VSIR: variants seen among roughly 807,000 people sequenced by gnomAD.
VSIR encodes V-type immunoglobulin domain-containing suppressor of T-cell activation.
In VSIR, 10 loss-of-function variants were observed where a neutral mutation model predicts 31.0. That is an observed-to-expected ratio of 0.32 (90% CI 0.20 to 0.55). The LOEUF is 0.55. Among genes scored for constraint, VSIR ranks in the 20% least tolerant of loss-of-function variants. The pLI, the probability that VSIR is intolerant of heterozygous loss-of-function variation, is 0.93. For synonymous variants in VSIR, 179 were observed against 180.1 expected (o/e 0.99, Z 0.05); for missense variants, 356 against 416.2 (o/e 0.86, Z 1.26).
At chr10:71,767,468 CA>C (rs1203054365) in intron 1 of VSIR, among the ~76,000 whole-genome samples, 1 of 152,220 alleles carries the variant, frequency 6.6e-6, no homozygotes, top group East Asian at 1.9e-4. Flanking sequence ...GCACTAGATG[CA>C]AAAGGTCCCG....
chr10:71,750,459 C>A lies in VSIR; in HGVS notation c.*794G>T, dbSNP rs902188837. 6.6e-6 allele frequency: 1 copy of A among 152,344 alleles called. No homozygotes were observed. Among genetic ancestry groups the A allele is most frequent in the African/African-American group, 2.4e-5 (1 of 41,470 alleles). The allele number at this position is 152,344 out of a possible 1,614,324, so 9.4% of individuals were successfully genotyped here. ...GGATGGGGAGGGCGGGGGGCAGGTG[C>A]CCCTCTCCACTCACCTTCCCAGAAG... On this transcript the variant is annotated 3_prime_UTR_variant, in exon 7 of 7. Coordinates refer to ENST00000394957, the MANE Select transcript of VSIR (RefSeq NM_022153.2).
intron 1 of VSIR, among the ~76,000 whole-genome samples, chr10:71,766,500 T>C (rs1840548130): frequency 6.6e-6 from 1 of 152,210 alleles, no homozygotes; most frequent in African/African-American, 2.4e-5. Flanking sequence ...TCCACTTAGT[T>C]GTGCCCTCAT....
intron 3 of VSIR, among the ~76,000 whole-genome samples, chr10:71,759,914 C>CATACACACACACAT (rs1840272147): frequency 1.4e-4 from 8 of 56,894 alleles, no homozygotes; most frequent in Admixed American, 2.0e-4. Flanking sequence ...TACACACACA[C>CATACACACACACAT]ATATATACAC....
chr10:71,769,043 C>T (rs538081013), intron 1 of VSIR, among the ~76,000 whole-genome samples: 10 of 152,300 alleles, frequency 6.6e-5, no homozygotes, highest in East Asian at 1.9e-4. Flanking sequence ...TTCTTGAAGA[C>T]GGACAAATGT....
rs1177974510 is a variant in VSIR, at chr10:71,748,851, C to T, written c.*2402G>A. The T allele has an allele frequency of 6.5e-6, 1 of 152,738 alleles. No individual in the cohort carries two copies. The highest frequency in any genetic ancestry group is 1.5e-5 in the Non-Finnish European group (1 of 68,110). 9.5% of individuals were successfully genotyped at this position (152,738 alleles called of 1,614,324 possible). ...CCCCAGCAGCAGCAGGGAGGGACGT[C>T]CCTAGTGCGTTGTAGGCAGGGCCTG... On this transcript the variant is annotated 3_prime_UTR_variant, in exon 7 of 7. Transcript: ENST00000394957.
At chr10:71,766,015 G>A (rs927793110) in intron 1 of VSIR, among the ~76,000 whole-genome samples, 2 of 152,188 alleles carry the variant, frequency 1.3e-5, no homozygotes, top group African/African-American at 4.8e-5. Context: ...GACACTCGAA[G>A]GCATGGCATG....
At chr10:71,770,382 G>T (rs1315386872) in intron 1 of VSIR, among the ~76,000 whole-genome samples, 1 of 152,218 alleles carries the variant, frequency 6.6e-6, no homozygotes, top group Non-Finnish European at 1.5e-5. Context: ...GCCATCTTGG[G>T]ATTTAAGCCT....
chr10:71,769,503 T>C (rs187003376), intron 1 of VSIR, among the ~76,000 whole-genome samples: 1 of 152,208 alleles, frequency 6.6e-6, no homozygotes, highest in East Asian at 1.9e-4. Flanking sequence ...AATAAGTAAA[T>C]ATTATGAAAG....
At chr10:71,752,034 G>A (rs754813770) in intron 5 of VSIR, 173 bp from the exon 6 acceptor site, 93 of 767,442 alleles carry the variant, frequency 1.2e-4, no homozygotes, top group Non-Finnish European at 2.0e-4. Flanking sequence ...AAAGGCCATG[G>A]GCTGCACCTG....
chr10:71,751,879 T>C lies in VSIR; in HGVS notation c.705-18A>G. 2 of 1,538,690 alleles carry C rather than the reference T, an allele frequency of 1.3e-6. No individual in the cohort carries two copies. Among genetic ancestry groups the C allele is most frequent in the Non-Finnish European group, 1.8e-6 (2 of 1,140,528 alleles). On this transcript the variant is annotated intron_variant, in intron 5 of 6. Transcript: ENST00000394957. This position sits in a 1 kb window ranked among gnomAD's most constrained non-coding sequence, Gnocchi z 4.9. ...GAATGTTGCTGCCACAGAACCAGAA[T>C]GGAAGGTCATCTGTGCTGTCCGGAG...
At chr10:71,758,485 C>A (rs939215019) in intron 3 of VSIR, among the ~76,000 whole-genome samples, 3 of 152,232 alleles carry the variant, frequency 2.0e-5, no homozygotes, top group African/African-American at 7.2e-5. Flanking sequence ...CAGCGCCAGG[C>A]ACCCTTAGGG....
At chr10:71,761,431 C>A (rs892151292) in intron 2 of VSIR, among the ~76,000 whole-genome samples, 167 bp downstream of exon 2, 1 of 152,114 alleles carries the variant, frequency 6.6e-6, no homozygotes, top group Non-Finnish European at 1.5e-5. Flanking sequence ...ACTACAAACC[C>A]ACACTCCACA....
chr10:71,752,100 C>T (rs572555055), intron 5 of VSIR: 39 of 675,492 alleles, frequency 5.8e-5, no homozygotes, highest in Middle Eastern at 4.7e-4. Flanking sequence ...CCCAGCTCCT[C>T]CCTGTGGTCT....
At chr10:71,769,711 G>T (rs1840644043) in intron 1 of VSIR, among the ~76,000 whole-genome samples, 1 of 152,194 alleles carries the variant, frequency 6.6e-6, no homozygotes, top group African/African-American at 2.4e-5. Context: ...TTTGACCCCA[G>T]GTCCCCATGG....
intron 1 of VSIR, among the ~76,000 whole-genome samples, chr10:71,765,527 G>A (rs1049537003): frequency 2.6e-5 from 4 of 152,220 alleles, no homozygotes; most frequent in Non-Finnish European, 4.4e-5. Flanking sequence ...CAGGGCACCA[G>A]GCTGGGAGCC....
At chr10:71,754,683 C>T (rs1392903441) in intron 4 of VSIR, among the ~76,000 whole-genome samples, 2 of 152,202 alleles carry the variant, frequency 1.3e-5, no homozygotes, top group African/African-American at 4.8e-5. Context: ...CCCTCTGTGC[C>T]TCCGTTTGCC....
chr10:71,759,936 T>TACAC (rs1252089875), intron 3 of VSIR, among the ~76,000 whole-genome samples: 3,415 of 51,938 alleles, frequency 0.066, 286 homozygotes, highest in East Asian at 0.13. Flanking sequence ...CACACATATA[T>TACAC]ACACACACAC....
At chr10:71,759,906 C>CACACACACATAT (rs1564779307) in intron 3 of VSIR, among the ~76,000 whole-genome samples, 2 of 38,888 alleles carry the variant, frequency 5.1e-5, no homozygotes, top group East Asian at 8.1e-4. Flanking sequence ...CACATATATA[C>CACACACACATAT]ACACACACAT....
chr10:71,765,591 G>A (rs373052612), intron 1 of VSIR, among the ~76,000 whole-genome samples: 4 of 152,302 alleles, frequency 2.6e-5, no homozygotes, highest in Non-Finnish European at 4.4e-5. Flanking sequence ...CATAGCACCC[G>A]CAGCAGTAGG....
Sources: allele counts gnomAD v4.1 joint callset (sites outside exome capture counted in the v4.1 genomes callset), GRCh38; gene constraint gnomAD v4.1.1; non-coding constraint Gnocchi (gnomAD v3.1); transcripts MANE v1.5; gene names NCBI Gene and HGNC (gene_info 2026-07-23, HGNC 2026-07-21).